The following FOXN3 variants were observed in gnomAD, a reference collection of about 807,000 sequenced individuals.
The protein encoded by FOXN3 is forkhead box protein N3.
FOXN3 carries 7 observed loss-of-function variants against 38.4 expected under a neutral mutation model. The observed-to-expected ratio is 0.18, with a 90% CI of 0.10 to 0.34. FOXN3 has a LOEUF of 0.34. FOXN3 is among the 10% of genes least tolerant of loss of function. The probability of loss-of-function intolerance (pLI) is 1.00; values close to 1 mark genes in which losing one functional copy is unlikely to be tolerated. For synonymous variants in FOXN3, 230 were observed against 242.2 expected (o/e 0.95, Z 0.47); for missense variants, 456 against 613.4 (o/e 0.74, Z 2.71).
chr14:89,285,250 G>C (rs1286057303), intron 3 of FOXN3, among the ~76,000 whole-genome samples: 1 of 152,188 alleles, frequency 6.6e-6, no homozygotes, highest in Admixed American at 6.5e-5. Flanking sequence ...GCCAGGCATC[G>C]TGGCTCACGC....
At chr14:89,254,041 G>C (rs537750364) in intron 4 of FOXN3, among the ~76,000 whole-genome samples, 1 of 152,178 alleles carries the variant, frequency 6.6e-6, no homozygotes, top group Non-Finnish European at 1.5e-5. Flanking sequence ...GTCTTGGAAC[G>C]GGCTGCCTGG....
chr14:89,160,928 AAAAG>A lies in FOXN3; in HGVS notation c.*1482_*1485del, dbSNP rs1887082926. The A allele has an allele frequency of 6.6e-6, 1 of 152,336 alleles. No homozygotes were observed. Among genetic ancestry groups the A allele is most frequent in the African/African-American group, 2.4e-5 (1 of 41,456 alleles). The allele number at this position is 152,336 out of a possible 1,614,324, so 9.4% of individuals were successfully genotyped here. ...AACAAAAACAAAAACAAAAAGGAAA[AAAAG>A]AAAGCAAAGAAAAGGAAAGAAAAAA... is the stretch of plus-strand genomic sequence containing the variant. On this transcript the variant is annotated 3_prime_UTR_variant, in exon 6 of 6. Transcript: ENST00000557258.
intron 1 of FOXN3, chr14:89,577,389 T>C (rs1009205271): frequency 6.6e-6 from 1 of 152,156 alleles, no homozygotes; most frequent in African/African-American, 2.4e-5. Flanking sequence ...ATTACCTAGA[T>C]ACCTCCGTCT....
chr14:89,478,627 T>C (rs928451424), intron 1 of FOXN3, among the ~76,000 whole-genome samples: 1 of 152,142 alleles, frequency 6.6e-6, no homozygotes, highest in African/African-American at 2.4e-5. Context: ...AAGAGAATGA[T>C]TTTATTTAAT....
At chr14:89,584,709 CTTTTCTTTTCTT>C (rs1357247277) in intron 1 of FOXN3, among the ~76,000 whole-genome samples, 1 of 151,858 alleles carries the variant, frequency 6.6e-6, no homozygotes, top group Non-Finnish European at 1.5e-5. Flanking sequence ...CTTCTCTTCT[CTTTTCTTTTCTT>C]TTTTCTTTTT....
chr14:89,262,737 T>C (rs1207177816), intron 4 of FOXN3, among the ~76,000 whole-genome samples: 1 of 138,634 alleles, frequency 7.2e-6, no homozygotes, highest in African/African-American at 2.4e-5. Flanking sequence ...AAAATGATGC[T>C]AATTTTTTTT....
intron 4 of FOXN3, among the ~76,000 whole-genome samples, chr14:89,278,966 T>A (rs1200490885): frequency 6.6e-6 from 1 of 152,096 alleles, no homozygotes; most frequent in Non-Finnish European, 1.5e-5. Flanking sequence ...CCTTAGCAAC[T>A]TTCCCATGGC....
intron 2 of FOXN3, among the ~76,000 whole-genome samples, chr14:89,360,764 C>T (rs1433307136): frequency 1.4e-5 from 1 of 73,508 alleles, no homozygotes; most frequent in Non-Finnish European, 2.7e-5. Context: ...CCACCTCCAC[C>T]ACTACCACCT....
At chr14:89,566,426 C>T (rs1038986324) in intron 1 of FOXN3, among the ~76,000 whole-genome samples, 2 of 149,158 alleles carry the variant, frequency 1.3e-5, no homozygotes, top group Non-Finnish European at 2.9e-5. Flanking sequence ...TACTTTCCTA[C>T]AGGGAAGAAA....
intron 1 of FOXN3, among the ~76,000 whole-genome samples, chr14:89,522,460 TATAAAA>T (rs1245858184): frequency 6.6e-6 from 1 of 152,154 alleles, no homozygotes; most frequent in South Asian, 2.1e-4. Flanking sequence ...TACAAGTTAA[TATAAAA>T]TAACTTTCTT....
In FOXN3 at chr14:89,157,951, T is replaced by C. The variant is rs1385559849; in HGVS notation, c.*4463A>G. The C allele has an allele frequency of 2.6e-5, 4 of 152,616 alleles. No individual in the cohort carries two copies. Among genetic ancestry groups the C allele is most frequent in the Non-Finnish European group, 4.4e-5 (3 of 68,032 alleles). 9.5% of individuals were successfully genotyped at this position (152,616 alleles called of 1,614,324 possible). A position where few individuals can be genotyped will look rare whatever the true frequency, so the allele number is the denominator to read the frequency against. On this transcript the variant is annotated 3_prime_UTR_variant, in exon 6 of 6. Transcript: ENST00000557258. Reference sequence around the variant, plus strand: ...AATCCTGAAGATGAAAGAAAAATACTTCTCTACAGAAACATAAAAATCAAT... The same window carrying C: ...AATCCTGAAGATGAAAGAAAAATACCTCTCTACAGAAACATAAAAATCAAT...
chr14:89,311,569 G>A (rs1887549727), intron 3 of FOXN3, among the ~76,000 whole-genome samples: 1 of 150,418 alleles, frequency 6.6e-6, no homozygotes, highest in African/African-American at 2.4e-5. Context: ...GCTCATGCCT[G>A]TAATCCCAGC....
chr14:89,394,691 C>T (rs181657424), intron 2 of FOXN3, among the ~76,000 whole-genome samples: 99 of 152,348 alleles, frequency 6.5e-4, no homozygotes, highest in Middle Eastern at 3.4e-3. Context: ...ATGCGCTGAG[C>T]GCCCTCACAG....
chr14:89,346,347 A>G lies in FOXN3; in HGVS notation c.680+4325T>C, dbSNP rs1203674734. Among the ~76,000 whole-genome samples, 4 of 152,192 alleles carry G rather than the reference A, an allele frequency of 2.6e-5. No homozygotes were observed. In the East Asian group the frequency reaches 7.7e-4, roughly 29 times the overall value. On this transcript the variant is annotated intron_variant, in intron 3 of 5. Coordinates refer to ENST00000557258, the MANE Select transcript of FOXN3 (RefSeq NM_005197.4). ...TCTGTTCCAGGATCCCATCCAGGACATCATAGGACACATTTGCTCATCATG... is the reference window on the plus strand; with the variant it reads ...TCTGTTCCAGGATCCCATCCAGGACGTCATAGGACACATTTGCTCATCATG...
intron 1 of FOXN3, among the ~76,000 whole-genome samples, chr14:89,532,760 T>C (rs1484487223): frequency 6.6e-6 from 1 of 152,192 alleles, no homozygotes; most frequent in Non-Finnish European, 1.5e-5. Context: ...AGATGATTAT[T>C]TTGAATAATC....
At chr14:89,234,071 T>C (rs1404747492) in intron 4 of FOXN3, among the ~76,000 whole-genome samples, 1 of 152,106 alleles carries the variant, frequency 6.6e-6, no homozygotes, top group Non-Finnish European at 1.5e-5. Flanking sequence ...CATCAGATTC[T>C]CCCCAAAGAC....
intron 1 of FOXN3, among the ~76,000 whole-genome samples, chr14:89,598,773 C>G (rs1896105223): frequency 6.6e-6 from 1 of 152,206 alleles, no homozygotes; most frequent in Non-Finnish European, 1.5e-5. Context: ...GAGGTACCCA[C>G]TCCCCAACCA....
intron 3 of FOXN3, among the ~76,000 whole-genome samples, chr14:89,336,637 AC>A (rs1432098107): frequency 6.6e-6 from 1 of 152,162 alleles, no homozygotes; most frequent in African/African-American, 2.4e-5. Context: ...CTGTCTGTAT[AC>A]CAAGTCTGAC....
chr14:89,481,727 T>A (rs1893334428), intron 1 of FOXN3, among the ~76,000 whole-genome samples: 1 of 152,190 alleles, frequency 6.6e-6, no homozygotes, highest in South Asian at 2.1e-4. Flanking sequence ...CCTAGCAGTC[T>A]TATTTTGGGG....
Sources: gnomAD v4.1 joint callset for allele counts (sites outside exome capture counted in the v4.1 genomes callset) on GRCh38, gnomAD v4.1.1 for gene constraint, MANE v1.5 for transcripts, NCBI Gene and HGNC (gene_info 2026-07-23, HGNC 2026-07-21) for gene names.